The following DLGAP2 variants were observed in gnomAD, a reference collection of about 807,000 sequenced individuals.
The protein encoded by DLGAP2 is disks large-associated protein 2.
Under a neutral mutation model 100.3 loss-of-function variants are expected in DLGAP2, and 26 were observed. That is an observed-to-expected ratio of 0.26 (90% CI 0.19 to 0.36). The LOEUF (loss-of-function observed/expected upper bound fraction) is 0.36. DLGAP2 is among the 10% of genes least tolerant of loss of function. The pLI, the probability that DLGAP2 is intolerant of heterozygous loss-of-function variation, is 1.00. For synonymous variants in DLGAP2, 886 were observed against 630.1 expected, an observed-to-expected ratio of 1.41 and a Z score of -6.08; for missense variants, 1,858 against 1,453.2, an observed-to-expected ratio of 1.28 and a Z score of -4.53.
Position 1,316,254 on chromosome 8 carries a change from T to G in DLGAP2, c.106+57371T>G, listed in dbSNP as rs373521967. On this transcript the variant is annotated intron_variant, in intron 3 of 14. Coordinates refer to ENST00000637795, the MANE Select transcript of DLGAP2 (RefSeq NM_001346810.2). ...GTCTACACTCGAGAAACTCGGCAGC[T>G]TTTAAAAATAGAGCGTGTGCGAGTG... Among the ~76,000 whole-genome samples, 321 of 41,524 alleles carry G rather than the reference T, an allele frequency of 7.7e-3. 2 individuals are homozygous for G. Among genetic ancestry groups the G allele is most frequent in the Middle Eastern group, 0.031 (2 of 64 alleles). 27.2% of individuals were successfully genotyped at this position (41,524 alleles called of 152,430 possible).
At chr8:1,124,177 C>T (rs1796113018) in intron 2 of DLGAP2, among the ~76,000 whole-genome samples, 1 of 152,198 alleles carries the variant, frequency 6.6e-6, no homozygotes, top group South Asian at 2.1e-4. Context: ...TGATTCAATT[C>T]TCATAGCATA....
chr8:1,221,250 A>G (rs1798308743), intron 2 of DLGAP2, among the ~76,000 whole-genome samples: 1 of 152,192 alleles, frequency 6.6e-6, no homozygotes, highest in African/African-American at 2.4e-5. Flanking sequence ...TTTCATGTCC[A>G]TGTCTACCAG....
intron 6 of DLGAP2, among the ~76,000 whole-genome samples, chr8:1,590,647 A>C (rs574627223): frequency 6.6e-6 from 1 of 152,224 alleles, no homozygotes; most frequent in African/African-American, 2.4e-5. Flanking sequence ...ACACTCTCAA[A>C]TTCCACTTTA....
At chr8:1,094,342 G>C (rs561750991) in intron 2 of DLGAP2, among the ~76,000 whole-genome samples, 1 of 152,208 alleles carries the variant, frequency 6.6e-6, no homozygotes. Context: ...ATCCACTAAC[G>C]GAGTTAGAAA....
chr8:947,616 T>C (rs11782379), intron 2 of DLGAP2, among the ~76,000 whole-genome samples: 63,236 of 152,074 alleles, frequency 0.42, 13,643 homozygotes, highest in Admixed American at 0.55. Context: ...CCCCGCTGGC[T>C]TCAGCCTGGT....
In DLGAP2 at chr8:1,486,539, A is replaced by T. The variant is rs181534602; in HGVS notation, c.107-14827A>T. Among the ~76,000 whole-genome samples the T allele has an allele frequency of 1.5e-3, 225 of 152,294 alleles. 1 individual carries two copies. The highest frequency in any genetic ancestry group is 5.1e-3 in the African/African-American group (213 of 41,576). ...AAGGCTGTCTGCTGAGCACATTCCA[A>T]TCAAAGGGGGAATTTCTCGGTTTCC... On this transcript the variant is annotated intron_variant, in intron 3 of 14. Transcript: ENST00000637795.
At chr8:1,456,125 G>A (rs1349956586) in intron 3 of DLGAP2, among the ~76,000 whole-genome samples, 2 of 152,184 alleles carry the variant, frequency 1.3e-5, no homozygotes, top group East Asian at 3.8e-4. Flanking sequence ...ATGTCGCGTT[G>A]AACTCAGGAG....
chr8:1,021,135 T>C (rs1357240913), intron 2 of DLGAP2, among the ~76,000 whole-genome samples: 1 of 152,316 alleles, frequency 6.6e-6, no homozygotes, highest in African/African-American at 2.4e-5. Context: ...TAATATCAAT[T>C]TGAGTATATT....
intron 3 of DLGAP2, among the ~76,000 whole-genome samples, chr8:1,498,501 C>T (rs1290063973): frequency 6.6e-6 from 1 of 152,156 alleles, no homozygotes; most frequent in Admixed American, 6.5e-5. Flanking sequence ...GAAAACCCCT[C>T]TAATGAGACT....
rs1420205361 is a variant in DLGAP2 at position 1,258,867 on chromosome 8, C to T, written c.90C>T (p.Leu30=). 4 of 1,231,680 alleles carry T rather than the reference C, an allele frequency of 3.2e-6. No individual in the cohort carries two copies. Among genetic ancestry groups the T allele is most frequent in the African/African-American group, 3.1e-5 (2 of 64,424 alleles). 76.3% of individuals were successfully genotyped at this position (1,231,680 alleles called of 1,614,324 possible). A position where few individuals can be genotyped will look rare whatever the true frequency, so the allele number is the denominator to read the frequency against. ...PDRNTESQCT[L]CGEPEEEEAG... Reference sequence around the variant, plus strand: ...TGTTTTCAGAGTCGCAGTGCACGCTCTGCGGGGAGCCGGAAGGTGAGTACC... The same window carrying T: ...TGTTTTCAGAGTCGCAGTGCACGCTTTGCGGGGAGCCGGAAGGTGAGTACC... The change falls in exon 3 of 15, where the codon CTC becomes CTT. Residue 30 remains leucine, a synonymous_variant. Coordinates refer to ENST00000637795, the MANE Select transcript of DLGAP2 (RefSeq NM_001346810.2).
chr8:859,553 G>T (rs1797350128), intron 1 of DLGAP2, among the ~76,000 whole-genome samples: 2 of 152,156 alleles, frequency 1.3e-5, no homozygotes, highest in African/African-American at 4.8e-5. Flanking sequence ...ACAACACAGG[G>T]ACTGAATGGC....
rs529782571 is a variant in DLGAP2, at chr8:1,376,792, G to A, written c.106+117909G>A. Among the ~76,000 whole-genome samples the A allele has an allele frequency of 2.0e-5, 3 of 151,826 alleles. No individual in the cohort carries two copies. The East Asian group carries it at 5.9e-4, about 30-fold the overall frequency. ...TACCGAGACCCTCAACCTGAGCCCG[G>A]TGGGATGTGTGGTCCGCAGGTGGGG... On this transcript the variant is annotated intron_variant, in intron 3 of 14. Coordinates refer to ENST00000637795, the MANE Select transcript of DLGAP2 (RefSeq NM_001346810.2).
At chr8:1,460,721 T>C (rs1798449299) in intron 3 of DLGAP2, among the ~76,000 whole-genome samples, 1 of 152,244 alleles carries the variant, frequency 6.6e-6, no homozygotes, top group South Asian at 2.1e-4. Context: ...TAATTTGTTT[T>C]GTGGCACAGT....
rs1354972222 is a variant in DLGAP2 at position 1,351,869 on chromosome 8, G to T, written c.106+92986G>T. ...GAGTGTGCGTGGAAAGGCCGTGCAG[G>T]TCCTGACTGTGTTTGGAAAGGCCGT... On this transcript the variant is annotated intron_variant, in intron 3 of 14. Coordinates refer to ENST00000637795, the MANE Select transcript of DLGAP2 (RefSeq NM_001346810.2). 3.2e-5 allele frequency among the ~76,000 whole-genome samples: 3 copies of T among 94,232 alleles called. 1 individual carries two copies. Among genetic ancestry groups the T allele is most frequent in the Non-Finnish European group, 4.5e-5 (2 of 44,438 alleles). The allele number at this position is 94,232 out of a possible 152,430, so 61.8% of individuals were successfully genotyped here. A position where few individuals can be genotyped will look rare whatever the true frequency, so the allele number is the denominator to read the frequency against.
chr8:1,220,778 G>T (rs778055085), intron 2 of DLGAP2, among the ~76,000 whole-genome samples: 7 of 152,132 alleles, frequency 4.6e-5, no homozygotes, highest in Non-Finnish European at 8.8e-5. Flanking sequence ...ATGAATCTGG[G>T]TACTCTAGCA....
intron 2 of DLGAP2, among the ~76,000 whole-genome samples, chr8:1,175,255 C>T (rs1336892485): frequency 6.7e-6 from 1 of 149,646 alleles, no homozygotes; most frequent in African/African-American, 2.4e-5. Context: ...AAAAAAAAAA[C>T]CTAAGAAGTG....
chr8:1,255,961 C>T (rs111632995), intron 2 of DLGAP2, among the ~76,000 whole-genome samples: 35 of 93,578 alleles, frequency 3.7e-4, no homozygotes, highest in South Asian at 3.5e-3. Context: ...TGTGTGTGTG[C>T]CCTCTCATCC....
intron 2 of DLGAP2, among the ~76,000 whole-genome samples, chr8:1,026,365 A>C (rs1483030793): frequency 6.6e-6 from 1 of 151,980 alleles, no homozygotes; most frequent in African/African-American, 2.4e-5. Context: ...TGGAAGCTCC[A>C]CTTCACGGTT....
intron 4 of DLGAP2, among the ~76,000 whole-genome samples, chr8:1,505,194 G>A (rs1210904850): frequency 2.0e-5 from 3 of 152,100 alleles, no homozygotes; most frequent in Non-Finnish European, 2.9e-5. Flanking sequence ...TCCCAGTCAC[G>A]AATTTATGGA....
Sources: allele counts gnomAD v4.1 joint callset (sites outside exome capture counted in the v4.1 genomes callset), GRCh38; gene constraint gnomAD v4.1.1; transcripts MANE v1.5; gene names NCBI Gene and HGNC (gene_info 2026-07-23, HGNC 2026-07-21).